Variants in ZNF879 observed in about 807,000 individuals in gnomAD.
ZNF879 encodes zinc finger protein 879.
A neutral mutation model predicts 44.3 loss-of-function variants in ZNF879; 32 were observed. The ratio of observed to expected loss-of-function variants is 0.72; its 90% CI spans 0.54 to 0.97. ZNF879 has a LOEUF of 0.97. Ranked by LOEUF, ZNF879 falls within the 50% of genes least tolerant of loss-of-function variation. The pLI is 0.00. For synonymous variants in ZNF879, 234 were observed against 233.2 expected, an observed-to-expected ratio of 1.00 and a Z score of -0.03; for missense variants, 621 against 669.7, an observed-to-expected ratio of 0.93 and a Z score of 0.80.
intron 1 of ZNF879, among the ~76,000 whole-genome samples, chr5:179,024,187 G>A (rs867219771): frequency 1.6e-4 from 24 of 152,342 alleles, no homozygotes; most frequent in African/African-American, 5.3e-4. Flanking sequence ...CCTCGGTTCA[G>A]GGTCCGGAGC....
In ZNF879 at chr5:179,033,823, ATAAAATGTTTAT is replaced by A. The variant is rs1283934557; in HGVS notation, c.*185_*196del. 1.4e-5 allele frequency: 7 copies of A among 486,706 alleles called. No homozygotes were observed. The highest frequency in any genetic ancestry group is 1.1e-4 in the Admixed American group (3 of 26,510). The allele number at this position is 486,706 out of a possible 1,614,324, so 30.1% of individuals were successfully genotyped here. A position where few individuals can be genotyped will look rare whatever the true frequency, so the allele number is the denominator to read the frequency against. ...CCTTGGGAATGCTAGAAAAGCTTCT[ATAAAATGTTTAT>A]TCATATGTTCTTAAGTTATTACCAT... On this transcript the variant is annotated 3_prime_UTR_variant, in exon 5 of 5. Transcript: ENST00000444149.
In ZNF879 at chr5:179,034,049, A is replaced by G. The variant is rs1354006811; in HGVS notation, c.*409A>G. 1 of 156,076 alleles carries G rather than the reference A, an allele frequency of 6.4e-6. No homozygotes were observed. Among genetic ancestry groups the G allele is most frequent in the Non-Finnish European group, 1.4e-5 (1 of 70,850 alleles). 9.7% of individuals were successfully genotyped at this position (156,076 alleles called of 1,614,324 possible). A position where few individuals can be genotyped will look rare whatever the true frequency, so the allele number is the denominator to read the frequency against. On this transcript the variant is annotated 3_prime_UTR_variant, in exon 5 of 5. Transcript: ENST00000444149. ...CTATTATGCAAGCCAGTGGTACTAG[A>G]AAGAATGTTTTAGAAAAGAAATATG... is the stretch of plus-strand genomic sequence containing the variant.
intron 4 of ZNF879, among the ~76,000 whole-genome samples, chr5:179,029,341 G>T (rs1169661122): frequency 6.6e-6 from 1 of 151,812 alleles, no homozygotes; most frequent in African/African-American, 2.4e-5. Flanking sequence ...CACTTTACTG[G>T]CCTCTTTGCT....
chr5:179,031,673 G>A (rs781238321), intron 4 of ZNF879, among the ~76,000 whole-genome samples: 1 of 152,164 alleles, frequency 6.6e-6, no homozygotes, highest in Non-Finnish European at 1.5e-5. Flanking sequence ...CCCTTGTCTG[G>A]CTTGTGCCCT....
rs1053620019 is a variant in ZNF879, at chr5:179,024,947, C to T, written c.-35-23C>T. 5.8e-6 allele frequency: 9 copies of T among 1,541,748 alleles called. 1 individual carries two copies. The highest frequency in any genetic ancestry group is 7.9e-6 in the Non-Finnish European group (9 of 1,138,460). The stretch of plus-strand genomic sequence containing the variant: ...GCATGCAGGCTGGATGAAAAGACCT[C>T]ACAGCTTTTTTCTCCATTCCAGGTG... On this transcript the variant is annotated intron_variant, in intron 1 of 4. Coordinates refer to ENST00000444149, the MANE Select transcript of ZNF879 (RefSeq NM_001136116.3).
Position 179,032,649 on chromosome 5 carries a change from G to C in ZNF879, c.701G>C (p.Cys234Ser). Reference sequence around the variant, plus strand: ...CACACTGGAGAGAAGCTCTATAAATGTAAGGAATGTAGGAAAGCCTTCAGC... The same window carrying C: ...CACACTGGAGAGAAGCTCTATAAATCTAAGGAATGTAGGAAAGCCTTCAGC... ...RIHTGEKLYK[C>S]KECRKAFSQS... Residue 234 changes from cysteine (C) to serine (S), a missense_variant, in exon 5 of 5, where the codon TGT becomes TCT. By Grantham distance (112) the Cys-to-Ser change is moderately radical. Transcript: ENST00000444149. 6.4e-7 allele frequency: 1 copy of C among 1,569,306 alleles called. No homozygotes were observed. The highest frequency in any genetic ancestry group is 8.6e-7 in the Non-Finnish European group (1 of 1,157,238).
Position 179,034,864 on chromosome 5 carries a change from C to A in ZNF879, c.*1224C>A, listed in dbSNP as rs777835895. 6.6e-6 allele frequency: 1 copy of A among 152,082 alleles called. No individual in the cohort carries two copies. The highest frequency in any genetic ancestry group is 1.5e-5 in the Non-Finnish European group (1 of 68,006). The allele number at this position is 152,082 out of a possible 1,614,324, so 9.4% of individuals were successfully genotyped here. ...GGGGGCAAGCACTTAAGGGCTGAAA[C>A]GACCCATTTCATAAAGTGCTAAGTT... is the stretch of plus-strand genomic sequence containing the variant. On this transcript the variant is annotated 3_prime_UTR_variant, in exon 5 of 5. Transcript: ENST00000444149.
intron 2 of ZNF879, among the ~76,000 whole-genome samples, chr5:179,025,978 C>T (rs906138926): frequency 2.1e-4 from 31 of 145,804 alleles, no homozygotes; most frequent in Non-Finnish European, 2.1e-4. Context: ...CCAGTTAGTC[C>T]GGAGGCTGAG....
At chr5:179,028,246 T>C (rs2047354) in intron 4 of ZNF879, 119 bp downstream of exon 4, 214,580 of 843,284 alleles carry the variant, frequency 0.25, 29,624 homozygotes, top group African/African-American at 0.43. Flanking sequence ...GCTGGGAAGG[T>C]AGATCCTTTC....
chr5:179,024,900 TG>T, intron 1 of ZNF879, 69 bp from the exon 2 acceptor site: 1 of 1,244,758 alleles, frequency 8.0e-7, no homozygotes, highest in Non-Finnish European at 1.1e-6. Flanking sequence ...GCTTCTAACC[TG>T]GTCTGGCCTA....
At position 179,033,699 on chromosome 5, in the gene ZNF879, A is replaced by C. The variant is rs1049920714; in HGVS notation, c.*59A>C. 4.9e-5 allele frequency: 63 copies of C among 1,285,576 alleles called. No individual in the cohort carries two copies. The highest frequency in any genetic ancestry group is 6.2e-5 in the Non-Finnish European group (59 of 954,452). 79.6% of individuals were successfully genotyped at this position (1,285,576 alleles called of 1,614,324 possible). A position where few individuals can be genotyped will look rare whatever the true frequency, so the allele number is the denominator to read the frequency against. On this transcript the variant is annotated 3_prime_UTR_variant, in exon 5 of 5. Transcript: ENST00000444149. ...TTATATTCCATACTGAGTATCAAAAAATTCATTGTGGGGAGAAAGTGATGA... is the reference window on the plus strand; with the variant it reads ...TTATATTCCATACTGAGTATCAAAACATTCATTGTGGGGAGAAAGTGATGA...
At chr5:179,031,032 G>A (rs897365358) in intron 4 of ZNF879, among the ~76,000 whole-genome samples, 14 of 152,040 alleles carry the variant, frequency 9.2e-5, no homozygotes, top group African/African-American at 2.7e-4. Flanking sequence ...TCCCAGATAC[G>A]CCCACCTCTT....
intron 4 of ZNF879, among the ~76,000 whole-genome samples, chr5:179,031,629 A>G (rs1761422159): frequency 1.3e-5 from 2 of 152,226 alleles, no homozygotes; most frequent in Admixed American, 6.5e-5. Flanking sequence ...CATTGTCTGT[A>G]TCACACTGCT....
Position 179,025,029 on chromosome 5 carries a change from C to T in ZNF879, c.25C>T (p.His9Tyr). Residue 9 changes from histidine to tyrosine, a missense_variant, in exon 2 of 5, where the codon CAT (histidine) becomes TAT (tyrosine). His to Tyr is a moderately conservative substitution (Grantham distance 83). Coordinates refer to ENST00000444149, the MANE Select transcript of ZNF879 (RefSeq NM_001136116.3). ...AATGGCAAGGAGGTTGCTGCCAGCC[C>T]ATGTACAGGTGAGTGAAGGCTTCTT... is the stretch of plus-strand genomic sequence containing the variant. MARRLLPA[H>Y]VQESVTFRDV... 1 of 1,551,510 alleles carries T rather than the reference C, an allele frequency of 6.4e-7. No homozygotes were observed. The highest frequency in any genetic ancestry group is 8.7e-7 in the Non-Finnish European group (1 of 1,146,890).
chr5:179,032,413 T>G lies in ZNF879; in HGVS notation c.465T>G (p.Phe155Leu), dbSNP rs1266448757. 1 of 1,551,580 alleles carries G rather than the reference T, an allele frequency of 6.4e-7. No individual in the cohort carries two copies. The part of the protein sequence containing the change: ...IKKVYMKERS[F>L]KGVEFGKNLG... ...AAGTCTACATGAAGGAGAGGAGCTT[T>G]AAAGGTGTTGAATTTGGGAAAAATC... Residue 155 changes from phenylalanine to leucine, a missense_variant, in exon 5 of 5, where the codon TTT becomes TTG. Phe to Leu is a conservative substitution (Grantham distance 22). Coordinates refer to ENST00000444149, the MANE Select transcript of ZNF879 (RefSeq NM_001136116.3).
In ZNF879 at chr5:179,032,809, T is replaced by C. The variant is rs1024575722; in HGVS notation, c.861T>C (p.Pro287=). 1 of 1,554,580 alleles carries C rather than the reference T, an allele frequency of 6.4e-7. No homozygotes were observed. The part of the protein sequence containing the change: ...GHQRMHTGER[P]YKCKECGKTF... ...AGAGAATGCATACTGGAGAGAGACC[T>C]TATAAATGCAAGGAATGTGGAAAAA... Residue 287 remains proline (P), a synonymous_variant, in exon 5 of 5, where the codon CCT becomes CCC. Coordinates refer to ENST00000444149, the MANE Select transcript of ZNF879 (RefSeq NM_001136116.3).
At position 179,033,644 on chromosome 5, in the gene ZNF879, A is replaced by G. The variant is rs1017653411; in HGVS notation, c.*4A>G. ...TCATCAAAGGACTCATAATTGAGAA[A>G]AACTGTATAAATGCATGTAGGAACT... is the stretch of plus-strand genomic sequence containing the variant. On this transcript the variant is annotated 3_prime_UTR_variant, in exon 5 of 5. Coordinates refer to ENST00000444149, the MANE Select transcript of ZNF879 (RefSeq NM_001136116.3). The G allele has an allele frequency of 1.3e-6, 2 of 1,484,064 alleles. No homozygotes were observed. Among genetic ancestry groups the G allele is most frequent in the South Asian group, 1.4e-5 (1 of 72,256 alleles). The allele number at this position is 1,484,064 out of a possible 1,614,324, so 91.9% of individuals were successfully genotyped here. A position where few individuals can be genotyped will look rare whatever the true frequency, so the allele number is the denominator to read the frequency against.
intron 1 of ZNF879, 62 bp from the exon 2 acceptor site, chr5:179,024,908 C>T (rs1761218102): frequency 3.0e-6 from 4 of 1,323,344 alleles, no homozygotes; most frequent in Middle Eastern, 4.6e-4. Context: ...CCTGGTCTGG[C>T]CTAATGAGGG....
chr5:179,024,427 T>C (rs6860309), intron 1 of ZNF879: 44,844 of 152,254 alleles, frequency 0.29, 7,192 homozygotes, highest in African/African-American at 0.43. Flanking sequence ...AATTTCTAGC[T>C]AGTGATGCTG....
Sources: gnomAD v4.1 joint callset for allele counts (sites outside exome capture counted in the v4.1 genomes callset) on GRCh38, gnomAD v4.1.1 for gene constraint, MANE v1.5 for transcripts, NCBI Gene and HGNC (gene_info 2026-07-23, HGNC 2026-07-21) for gene names.